Variants in FKBP15 observed in about 807,000 individuals in gnomAD.
FKBP15 encodes the protein FKBP prolyl isomerase family member 15.
FKBP15 carries 106 observed loss-of-function variants against 158.1 expected under a neutral mutation model. That is an observed-to-expected ratio of 0.67 (90% CI 0.57 to 0.79). FKBP15 has a LOEUF of 0.79. FKBP15 is among the 30% of genes least tolerant of loss of function. The probability of loss-of-function intolerance (pLI) is 0.00; values close to 1 mark genes in which losing one functional copy is unlikely to be tolerated. For synonymous variants in FKBP15, 547 were observed against 548.6 expected, an observed-to-expected ratio of 1.00 and a Z score of 0.04; for missense variants, 1,287 against 1,479.1, an observed-to-expected ratio of 0.87 and a Z score of 2.13.
In FKBP15 at chr9:113,169,506, G is replaced by A. The variant is rs1235474273; in HGVS notation, c.3203C>T (p.Ala1068Val). 7 of 1,613,912 alleles carry A rather than the reference G, an allele frequency of 4.3e-6. No individual in the cohort carries two copies. Among genetic ancestry groups the A allele is most frequent in the Non-Finnish European group, 5.9e-6 (7 of 1,179,906 alleles). Residue 1068 changes from alanine to valine, a missense_variant, in exon 26 of 28, where the codon GCA (alanine) becomes GTA (valine). Physicochemically the swap from Ala to Val is moderately conservative, Grantham distance 64 (BLOSUM62 0). Coordinates refer to ENST00000238256, the MANE Select transcript of FKBP15 (RefSeq NM_015258.2). The stretch of plus-strand genomic sequence containing the variant: ...TCCTGATGGGTTGTCGGGCTTAGCT[G>A]CCATTGGGCTGGCAGCAAGTGACTC... Reference protein sequence around the residue: ...CEESLAASPMAAKPDNPSGKV... With the variant: ...CEESLAASPMVAKPDNPSGKV...
chr9:113,177,393 A>G (rs1830318344), intron 20 of FKBP15, among the ~76,000 whole-genome samples: 1 of 152,240 alleles, frequency 6.6e-6, no homozygotes, highest in Admixed American at 6.5e-5. Flanking sequence ...TAATTGTCAT[A>G]AGGCACCACA....
chr9:113,208,134 C>T (rs949810729), intron 2 of FKBP15, among the ~76,000 whole-genome samples: 3 of 152,002 alleles, frequency 2.0e-5, no homozygotes, highest in African/African-American at 7.3e-5. Context: ...ACGAGGAGTT[C>T]GAGACCAGCC....
intron 9 of FKBP15, among the ~76,000 whole-genome samples, chr9:113,195,603 A>G (rs1830661553): frequency 6.6e-6 from 1 of 152,200 alleles, no homozygotes. Flanking sequence ...AGGGAAGCAC[A>G]TCCTTTCTCT....
chr9:113,178,561 AG>A (rs1830336583), intron 20 of FKBP15, 68 bp downstream of exon 20: 1 of 1,464,676 alleles, frequency 6.8e-7, no homozygotes, highest in Admixed American at 2.6e-5. Context: ...AAAAATTGAG[AG>A]GAAGAAAACA....
chr9:113,171,028 T>C lies in FKBP15; in HGVS notation c.2659-399A>G, dbSNP rs150001089. On this transcript the variant is annotated intron_variant, in intron 24 of 27. Coordinates refer to ENST00000238256, the MANE Select transcript of FKBP15 (RefSeq NM_015258.2). ...CTTCTGTGGTTAGAGGCCCTTCCTA[T>C]ACCTGTCAAAACCTCAGAAAGATAG... 3.4e-4 allele frequency among the ~76,000 whole-genome samples: 52 copies of C among 152,350 alleles called. 1 individual carries two copies. In the East Asian group the frequency reaches 9.8e-3, roughly 29 times the overall value.
At chr9:113,192,058 T>C (rs1294620561) in intron 11 of FKBP15, among the ~76,000 whole-genome samples, 1 of 146,618 alleles carries the variant, frequency 6.8e-6, no homozygotes, top group African/African-American at 2.5e-5. Flanking sequence ...AGAAGAAAAA[T>C]AGTTGGAGGC....
At chr9:113,187,061 C>A (rs1443024413) in intron 14 of FKBP15, 1 of 152,096 alleles carries the variant, frequency 6.6e-6, no homozygotes, top group Non-Finnish European at 1.5e-5. Context: ...ACTACGCATC[C>A]ACTTAAAAAA....
chr9:113,186,880 T>C (rs1465957934), intron 14 of FKBP15: 2 of 154,574 alleles, frequency 1.3e-5, no homozygotes, highest in Non-Finnish European at 2.9e-5. Context: ...TATCACTTCA[T>C]AGGGCTGTTC....
chr9:113,166,602 T>C (rs1830103530), intron 27 of FKBP15, among the ~76,000 whole-genome samples: 1 of 152,186 alleles, frequency 6.6e-6, no homozygotes, highest in Admixed American at 6.5e-5. Context: ...AATACTGTCG[T>C]CGTGGCCTAA....
At chr9:113,213,784 A>C (rs1037098683) in intron 1 of FKBP15, among the ~76,000 whole-genome samples, 1 of 152,168 alleles carries the variant, frequency 6.6e-6, no homozygotes, top group Non-Finnish European at 1.5e-5. Flanking sequence ...CTCAGCCTCC[A>C]TAACTGTAAA....
chr9:113,171,986 T>G (rs2118865832), intron 23 of FKBP15, among the ~76,000 whole-genome samples: 1 of 152,146 alleles, frequency 6.6e-6, no homozygotes, highest in Non-Finnish European at 1.5e-5. Context: ...CTCCTAATGC[T>G]ATCCCTCCCC....
chr9:113,209,754 A>G (rs1344381496), intron 2 of FKBP15, among the ~76,000 whole-genome samples: 1 of 152,198 alleles, frequency 6.6e-6, no homozygotes, highest in East Asian at 1.9e-4. Flanking sequence ...TGAAATGACC[A>G]ATTGTTTTTT....
In FKBP15 at chr9:113,198,860, T is replaced by C. The variant is rs766287534; in HGVS notation, c.712A>G (p.Ile238Val). Residue 238 changes from isoleucine (I) to valine (V), a missense_variant, in exon 8 of 28, where the codon ATC (isoleucine) becomes GTC (valine). Coordinates refer to ENST00000238256, the MANE Select transcript of FKBP15 (RefSeq NM_015258.2). The surrounding 1 kb of genome is among the most constrained non-coding windows in gnomAD (Gnocchi z 5.2). ...LRLKLGSGKV[I>V]KGWEDGMLGM... ...AAACACAGTTAAGCCTTTACCTTGA[T>C]GACTTTTCCTGATCCTAACTTCAAG... 2.5e-6 allele frequency: 4 copies of C among 1,602,122 alleles called. No homozygotes were observed. The highest frequency in any genetic ancestry group is 3.4e-6 in the Non-Finnish European group (4 of 1,173,574).
At chr9:113,189,143 T>C (rs1830532603) in intron 12 of FKBP15, among the ~76,000 whole-genome samples, 1 of 152,262 alleles carries the variant, frequency 6.6e-6, no homozygotes, top group African/African-American at 2.4e-5. Flanking sequence ...TGTAATCTGC[T>C]ATGCTATAGT....
Position 113,169,513 on chromosome 9 carries a change from G to C in FKBP15, c.3196C>G (p.Pro1066Ala), listed in dbSNP as rs764737398. 2.5e-6 allele frequency: 4 copies of C among 1,614,050 alleles called. No homozygotes were observed. Among genetic ancestry groups the C allele is most frequent in the Non-Finnish European group, 3.4e-6 (4 of 1,179,902 alleles). ...SECEESLAAS[P>A]MAAKPDNPSG... ...GGGTTGTCGGGCTTAGCTGCCATTG[G>C]GCTGGCAGCAAGTGACTCCTCACAC... Residue 1066 changes from proline (P) to alanine (A), a missense_variant, in exon 26 of 28, where the codon CCA becomes GCA. Transcript: ENST00000238256.
intron 1 of FKBP15, among the ~76,000 whole-genome samples, chr9:113,217,201 GTTTTTTTTT>G (rs979783485): frequency 2.2e-5 from 2 of 89,398 alleles, no homozygotes; most frequent in African/African-American, 5.0e-5. Context: ...ACCACGCCCA[GTTTTTTTTT>G]TTTTTTTTTT....
chr9:113,168,180 G>T (rs1830127466), intron 27 of FKBP15, among the ~76,000 whole-genome samples: 1 of 152,210 alleles, frequency 6.6e-6, no homozygotes, highest in South Asian at 2.1e-4. Flanking sequence ...GCATTCCAAT[G>T]TGGGGCTAAG....
At chr9:113,178,548 C>CA in intron 20 of FKBP15, 82 bp downstream of exon 20, 5 of 1,432,794 alleles carry the variant, frequency 3.5e-6, no homozygotes, top group East Asian at 2.5e-5. Flanking sequence ...AGCATCATGC[C>CA]AAAAAAATTG....
chr9:113,216,459 T>C (rs961994130), intron 1 of FKBP15, among the ~76,000 whole-genome samples: 13 of 152,316 alleles, frequency 8.5e-5, no homozygotes, highest in African/African-American at 3.1e-4. Context: ...GAGGTTTAAA[T>C]GAGATTGTAA....
Sources: allele counts gnomAD v4.1 joint callset (sites outside exome capture counted in the v4.1 genomes callset), GRCh38; gene constraint gnomAD v4.1.1; non-coding constraint Gnocchi (gnomAD v3.1); transcripts MANE v1.5; gene names NCBI Gene and HGNC (gene_info 2026-07-23, HGNC 2026-07-21).